SUPT3H: variants seen among roughly 807,000 people sequenced by gnomAD.
SUPT3H encodes transcription initiation protein SPT3 homolog.
SUPT3H carries 44 observed loss-of-function variants against 44.3 expected under a neutral mutation model. The ratio of observed to expected loss-of-function variants is 0.99; its 90% confidence interval spans 0.78 to 1.28. The LOEUF (loss-of-function observed/expected upper bound fraction) is 1.28, where lower values mean the gene tolerates loss of function less well. Among genes scored for constraint, SUPT3H ranks in the 50% most tolerant of loss-of-function variants. The pLI is 0.00. For synonymous variants in SUPT3H, 124 were observed against 125.6 expected, an observed-to-expected ratio of 0.99 and a Z score of 0.09; for missense variants, 380 against 387.1, an observed-to-expected ratio of 0.98 and a Z score of 0.15.
intron 3 of SUPT3H, among the ~76,000 whole-genome samples, chr6:45,063,767 T>A (rs1583329903): frequency 1.4e-5 from 2 of 138,806 alleles, no homozygotes; most frequent in East Asian, 2.1e-4. Context: ...GAAAAAAGAG[T>A]AAAAAGAAAT....
intron 2 of SUPT3H, among the ~76,000 whole-genome samples, chr6:45,211,095 T>A (rs1271269803): frequency 6.6e-6 from 1 of 152,230 alleles, no homozygotes. Flanking sequence ...CACTTCCATT[T>A]TTTTTAAACA....
intron 10 of SUPT3H, among the ~76,000 whole-genome samples, chr6:44,866,106 CTTTT>C (rs57914401): frequency 1.2e-3 from 147 of 126,146 alleles, no homozygotes; most frequent in African/African-American, 4.0e-3. Context: ...CCTACATCGA[CTTTT>C]TTTTTTTTTT....
chr6:44,841,606 T>C (rs1393568052), intron 10 of SUPT3H, among the ~76,000 whole-genome samples: 1 of 152,240 alleles, frequency 6.6e-6, no homozygotes, highest in Non-Finnish European at 1.5e-5. Flanking sequence ...CTGACAGCCT[T>C]CAATAATGTA....
intron 2 of SUPT3H, among the ~76,000 whole-genome samples, chr6:45,127,211 G>A (rs1335038283): frequency 6.6e-6 from 1 of 152,172 alleles, no homozygotes; most frequent in African/African-American, 2.4e-5. Context: ...CTACTCAGGA[G>A]GCTGAGGCAG....
chr6:45,211,844 T>C (rs1196822182), intron 2 of SUPT3H, among the ~76,000 whole-genome samples: 3 of 140,890 alleles, frequency 2.1e-5, no homozygotes, highest in Admixed American at 7.4e-5. Flanking sequence ...CAAGACTCCG[T>C]CTCAACTAAA....
At chr6:45,305,627 A>G (rs1294115304) in intron 2 of SUPT3H, among the ~76,000 whole-genome samples, 5 of 152,026 alleles carry the variant, frequency 3.3e-5, no homozygotes, top group Non-Finnish European at 7.4e-5. Context: ...AATATACACT[A>G]TATACCACAT....
intron 2 of SUPT3H, among the ~76,000 whole-genome samples, chr6:45,295,839 A>C (rs1781094159): frequency 6.6e-6 from 1 of 152,144 alleles, no homozygotes; most frequent in African/African-American, 2.4e-5. Flanking sequence ...AAATGTTGGC[A>C]TGGATGCACT....
At chr6:44,964,296 C>T (rs1776479099) in intron 6 of SUPT3H, among the ~76,000 whole-genome samples, 1 of 151,928 alleles carries the variant, frequency 6.6e-6, no homozygotes, top group South Asian at 2.1e-4. Flanking sequence ...TCCTACATAC[C>T]ATCTCTGCTG....
rs551483778 is a variant in SUPT3H, at chr6:45,342,941, G to A, written c.101+22260C>T. 1.2e-4 allele frequency among the ~76,000 whole-genome samples: 19 copies of A among 152,276 alleles called. No homozygotes were observed. The East Asian group carries it at 3.3e-3, about 26-fold the overall frequency. ...AGGACAGCAGGGGTTTTGGTGTTAAGTTTAAATTCCAGTTATAGCGCCTAG... is the reference window on the plus strand; with the variant it reads ...AGGACAGCAGGGGTTTTGGTGTTAAATTTAAATTCCAGTTATAGCGCCTAG... On this transcript the variant is annotated intron_variant, in intron 2 of 10. Coordinates refer to ENST00000371459, the MANE Select transcript of SUPT3H (RefSeq NM_003599.4).
chr6:45,342,970 A>G (rs1025563607), intron 2 of SUPT3H, among the ~76,000 whole-genome samples: 1 of 152,208 alleles, frequency 6.6e-6, no homozygotes, highest in African/African-American at 2.4e-5. Flanking sequence ...CGCCTAGTAC[A>G]TAACCCTGAG....
chr6:44,948,193 G>C (rs1175078723), intron 9 of SUPT3H, among the ~76,000 whole-genome samples: 3 of 151,876 alleles, frequency 2.0e-5, no homozygotes, highest in Admixed American at 2.0e-4. Context: ...TTCTGTTTTG[G>C]TTACTGAAAC....
At chr6:45,155,457 T>C (rs1265015223) in intron 2 of SUPT3H, among the ~76,000 whole-genome samples, 1 of 152,146 alleles carries the variant, frequency 6.6e-6, no homozygotes, top group African/African-American at 2.4e-5. Flanking sequence ...CTGAAACTTC[T>C]TTGTCCTTGG....
At chr6:45,322,030 T>C (rs1785571955) in intron 2 of SUPT3H, 1 of 558,272 alleles carries the variant, frequency 1.8e-6, no homozygotes, top group Non-Finnish European at 3.1e-6. Flanking sequence ...TTAATACTAA[T>C]AACTTAATAA....
chr6:45,210,111 A>G (rs1487380032), intron 2 of SUPT3H, among the ~76,000 whole-genome samples: 2 of 152,190 alleles, frequency 1.3e-5, no homozygotes, highest in East Asian at 1.9e-4. Flanking sequence ...TTTTAAAGAC[A>G]TAAGGCTACT....
intron 2 of SUPT3H, among the ~76,000 whole-genome samples, chr6:45,259,160 T>C (rs964820867): frequency 1.1e-4 from 17 of 152,076 alleles, no homozygotes; most frequent in African/African-American, 3.9e-4. Flanking sequence ...TGGGAAGAGA[T>C]GAGAAAATAA....
intron 3 of SUPT3H, among the ~76,000 whole-genome samples, chr6:45,043,173 A>G (rs917910973): frequency 1.4e-4 from 20 of 145,852 alleles, no homozygotes; most frequent in Admixed American, 1.3e-3. Flanking sequence ...ACACACACGC[A>G]CACACACAAA....
At chr6:45,276,522 T>G (rs1358990775) in intron 2 of SUPT3H, among the ~76,000 whole-genome samples, 1 of 152,206 alleles carries the variant, frequency 6.6e-6, no homozygotes, top group Non-Finnish European at 1.5e-5. Context: ...CATGTGGTTT[T>G]GCAATTTTTG....
chr6:45,314,221 G>T (rs1784383680), intron 2 of SUPT3H, among the ~76,000 whole-genome samples: 1 of 152,122 alleles, frequency 6.6e-6, no homozygotes, highest in South Asian at 2.1e-4. Flanking sequence ...TATTCCCCCT[G>T]AGAATGGGAA....
At chr6:45,105,742 T>G (rs1041766541) in intron 3 of SUPT3H, among the ~76,000 whole-genome samples, 180 bp downstream of exon 3, 3 of 152,196 alleles carry the variant, frequency 2.0e-5, no homozygotes, top group Non-Finnish European at 1.5e-5. Flanking sequence ...AATATTCCAT[T>G]GTTGAGGCTC....
Sources: gnomAD v4.1 joint callset for allele counts (sites outside exome capture counted in the v4.1 genomes callset) on GRCh38, gnomAD v4.1.1 for gene constraint, MANE v1.5 for transcripts, NCBI Gene and HGNC (gene_info 2026-07-23, HGNC 2026-07-21) for gene names.